ANKRD55: variants seen among roughly 807,000 people sequenced by gnomAD.
ANKRD55 encodes ankyrin repeat domain-containing protein 55.
In ANKRD55, 41 loss-of-function variants were observed where a neutral mutation model predicts 60.6. The observed-to-expected ratio is 0.68, with a 90% confidence interval of 0.53 to 0.88. The LOEUF is 0.88. Ranked by LOEUF, ANKRD55 falls within the 40% of genes least tolerant of loss-of-function variation. ANKRD55 has a pLI of 0.00. For missense variants in ANKRD55, 732 were observed against 767.6 expected, an observed-to-expected ratio of 0.95 and a Z score of 0.55; for synonymous variants, 264 against 290.3, an observed-to-expected ratio of 0.91 and a Z score of 0.92.
chr5:56,108,518 C>T (rs1756567479), intron 10 of ANKRD55, among the ~76,000 whole-genome samples: 1 of 152,140 alleles, frequency 6.6e-6, no homozygotes, highest in African/African-American at 2.4e-5. Context: ...AAAATCTTGA[C>T]TGGAGTTTTT....
chr5:56,183,388 G>T, intron 3 of ANKRD55, 124 bp downstream of exon 3: 1 of 1,273,170 alleles, frequency 7.9e-7, no homozygotes, highest in Non-Finnish European at 1.1e-6. Flanking sequence ...TGTGGTACCT[G>T]CACATAGGCA....
chr5:56,161,723 A>AG (rs1237418947), intron 5 of ANKRD55, among the ~76,000 whole-genome samples: 1 of 152,296 alleles, frequency 6.6e-6, no homozygotes, highest in East Asian at 1.9e-4. Flanking sequence ...TGTATATCAG[A>AG]GGGGTAGTAA....
At position 56,126,095 on chromosome 5, in the gene ANKRD55, C is replaced by T. The variant is rs571169112; in HGVS notation, c.797+827G>A. Among the ~76,000 whole-genome samples the T allele has an allele frequency of 8.1e-4, 123 of 152,146 alleles. 1 individual carries two copies. In the South Asian group the frequency reaches 0.025, roughly 31 times the overall value. On this transcript the variant is annotated intron_variant, in intron 8 of 11. Transcript: ENST00000341048. ...GTTGCAGTGGGCTGAGGTTGCACCACTGCACTCCAGCCTGGGCATCAAAGC... is the reference window on the plus strand; with the variant it reads ...GTTGCAGTGGGCTGAGGTTGCACCATTGCACTCCAGCCTGGGCATCAAAGC...
rs4090585 is a variant in ANKRD55, at chr5:56,135,949, C to A, written c.612+7852G>T. ...GAATTTGAAATTAAAAATACAATAC[C>A]ATTTACATTAGCACCCCCCAAAATT... On this transcript the variant is annotated intron_variant, in intron 7 of 11. Transcript: ENST00000341048. 3.8e-3 allele frequency among the ~76,000 whole-genome samples: 574 copies of A among 152,082 alleles called. 6 individuals are homozygous for A. Among genetic ancestry groups the A allele is most frequent in the African/African-American group, 0.012 (517 of 41,462 alleles).
rs563254068 is a variant in ANKRD55, at chr5:56,168,706, C to T, written c.422+1988G>A. Among the ~76,000 whole-genome samples, 6 of 152,262 alleles carry T rather than the reference C, an allele frequency of 3.9e-5. No individual in the cohort carries two copies. The South Asian group carries it at 1.0e-3, about 26-fold the overall frequency. On this transcript the variant is annotated intron_variant, in intron 5 of 11. Transcript: ENST00000341048. ...TCCAGGGTGAGGGGAGACTACTGTT[C>T]TCCTCTTTCCCCATCTGCAGGCTGA...
In ANKRD55 at chr5:56,232,920, T is replaced by A. The variant is rs1293906241; in HGVS notation, c.-7A>T. The A allele has an allele frequency of 1.2e-6, 2 of 1,614,028 alleles. No homozygotes were observed. Among genetic ancestry groups the A allele is most frequent in the Admixed American group, 3.3e-5 (2 of 60,008 alleles). On this transcript the variant is annotated 5_prime_UTR_variant, in exon 2 of 12. An upstream start codon of the reference 5' UTR is lost. Transcript: ENST00000341048. Reference sequence around the variant, plus strand: ...TGGTAGCCTGTCTCATCATTTACCATCAGAATGGCAAAAAGCATCCAGGTC... The same window carrying A: ...TGGTAGCCTGTCTCATCATTTACCAACAGAATGGCAAAAAGCATCCAGGTC...
At chr5:56,111,008 T>G in intron 10 of ANKRD55, 110 bp downstream of exon 10, 2 of 1,328,802 alleles carry the variant, frequency 1.5e-6, no homozygotes, top group Non-Finnish European at 2.1e-6. Flanking sequence ...ACTCATTTTA[T>G]TCTCACCCTG....
intron 2 of ANKRD55, among the ~76,000 whole-genome samples, chr5:56,217,082 G>A (rs1256528938): frequency 6.6e-6 from 1 of 152,234 alleles, no homozygotes; most frequent in Non-Finnish European, 1.5e-5. Context: ...TGGAGTTGAA[G>A]CCAGTGCTCA....
chr5:56,127,323 G>A (rs1326656493), intron 7 of ANKRD55: 5 of 985,134 alleles, frequency 5.1e-6, no homozygotes, highest in Non-Finnish European at 6.0e-6. Context: ...AGAGATTTTT[G>A]TCTCCCACAG....
chr5:56,113,187 C>T (rs76968322), intron 9 of ANKRD55, among the ~76,000 whole-genome samples: 36 of 152,222 alleles, frequency 2.4e-4, no homozygotes, highest in African/African-American at 8.2e-4. Flanking sequence ...GAGGGATCCC[C>T]GACTTTTTAA....
At chr5:56,113,807 G>A (rs1424154498) in intron 9 of ANKRD55, among the ~76,000 whole-genome samples, 1 of 151,694 alleles carries the variant, frequency 6.6e-6, no homozygotes, top group Non-Finnish European at 1.5e-5. Flanking sequence ...ATGCCACCAC[G>A]CCCAGCTAAT....
chr5:56,223,205 T>A (rs912353518), intron 2 of ANKRD55, among the ~76,000 whole-genome samples: 5 of 152,168 alleles, frequency 3.3e-5, no homozygotes, highest in Admixed American at 2.0e-4. Flanking sequence ...TATTCAACAT[T>A]CTTAAAGAAA....
rs144111129 is a variant in ANKRD55, at chr5:56,163,372, AT to A, written c.423-3480del. On this transcript the variant is annotated intron_variant, in intron 5 of 11. Transcript: ENST00000341048. ...AGATACTTGTCCAGCATCTATGTCAATTCCTAGATGATTTGCAGCCCTCTGT... is the reference window on the plus strand; with the variant it reads ...AGATACTTGTCCAGCATCTATGTCAATCCTAGATGATTTGCAGCCCTCTGT... Among the ~76,000 whole-genome samples the A allele has an allele frequency of 8.8e-3, 1,345 of 152,140 alleles. 26 individuals carry two copies. Among genetic ancestry groups the A allele is most frequent in the African/African-American group, 0.031 (1,274 of 41,510 alleles).
At chr5:56,112,409 A>G (rs1756739960) in intron 9 of ANKRD55, among the ~76,000 whole-genome samples, 1 of 150,264 alleles carries the variant, frequency 6.7e-6, no homozygotes, top group Admixed American at 6.7e-5. Flanking sequence ...GCTAATGCCT[A>G]TAATTCCAGA....
intron 2 of ANKRD55, 28 bp downstream of exon 2, chr5:56,232,828 C>A: frequency 6.2e-7 from 1 of 1,609,982 alleles, no homozygotes; most frequent in Non-Finnish European, 8.5e-7. Context: ...TGCTAACAAC[C>A]AAAGAATGTG....
intron 6 of ANKRD55, among the ~76,000 whole-genome samples, chr5:56,159,532 A>G (rs571860758): frequency 2.0e-5 from 3 of 152,294 alleles, no homozygotes; most frequent in East Asian, 3.9e-4. Context: ...AGAAGACAGG[A>G]GAGAGCAATA....
At chr5:56,137,237 T>G in intron 7 of ANKRD55, 1 of 1,606,810 alleles carries the variant, frequency 6.2e-7, no homozygotes. Context: ...CCAAAAAGAG[T>G]GCTGAATTTT....
intron 3 of ANKRD55, among the ~76,000 whole-genome samples, chr5:56,180,391 A>G (rs1037641792): frequency 3.9e-5 from 6 of 152,206 alleles, no homozygotes; most frequent in Non-Finnish European, 7.3e-5. Context: ...TGTTTTAACT[A>G]TCCTAGTTCC....
intron 7 of ANKRD55, among the ~76,000 whole-genome samples, chr5:56,130,241 G>A (rs748224968): frequency 3.9e-5 from 6 of 152,070 alleles, no homozygotes; most frequent in East Asian, 1.9e-4. Context: ...TCTGTCCTCC[G>A]GAGAAACTAG....
Sources: allele counts gnomAD v4.1 joint callset (sites outside exome capture counted in the v4.1 genomes callset), GRCh38; gene constraint gnomAD v4.1.1; transcripts MANE v1.5; gene names NCBI Gene and HGNC (gene_info 2026-07-23, HGNC 2026-07-21).